MAML3: variants seen among roughly 807,000 people sequenced by gnomAD.
MAML3 encodes the protein mastermind like transcriptional coactivator 3, also known as mastermind-like protein 3.
Under a neutral mutation model 101.9 loss-of-function variants are expected in MAML3, and 27 were observed. The observed-to-expected ratio is 0.27, with a 90% CI of 0.20 to 0.37. The LOEUF is 0.37. Among genes scored for constraint, MAML3 ranks in the 10% least tolerant of loss-of-function variants. The pLI is 1.00. For synonymous variants in MAML3, 501 were observed against 555.9 expected (o/e 0.90, Z 1.39); for missense variants, 1,316 against 1,444.9 (o/e 0.91, Z 1.45).
chr4:140,034,909 C>G (rs1726960016), intron 1 of MAML3, among the ~76,000 whole-genome samples: 1 of 152,198 alleles, frequency 6.6e-6, no homozygotes, highest in African/African-American at 2.4e-5. Flanking sequence ...TCTACAAACC[C>G]CACTGGGAAA....
intron 2 of MAML3, among the ~76,000 whole-genome samples, chr4:139,875,794 T>G: frequency 6.6e-6 from 1 of 151,958 alleles, no homozygotes; most frequent in Admixed American, 6.6e-5. Context: ...CAAAGCCGGC[T>G]GGGTTGGCTT....
chr4:140,066,642 T>C (rs898215389), intron 1 of MAML3, among the ~76,000 whole-genome samples: 1 of 151,958 alleles, frequency 6.6e-6, no homozygotes, highest in Non-Finnish European at 1.5e-5. Context: ...GGAAAAAAAA[T>C]CGTATTGCTG....
At chr4:139,773,045 AT>A (rs1730027113) in intron 2 of MAML3, among the ~76,000 whole-genome samples, 1 of 152,168 alleles carries the variant, frequency 6.6e-6, no homozygotes, top group Non-Finnish European at 1.5e-5. Context: ...CAAGTATTAC[AT>A]TTTAAAAAGT....
At chr4:140,080,671 T>A (rs758775923) in intron 1 of MAML3, among the ~76,000 whole-genome samples, 1 of 151,888 alleles carries the variant, frequency 6.6e-6, no homozygotes, top group South Asian at 2.1e-4. Flanking sequence ...AGAAAATATA[T>A]GAAAACTTCC....
intron 1 of MAML3, among the ~76,000 whole-genome samples, chr4:139,951,353 A>AGAG (rs1733828719): frequency 6.6e-6 from 1 of 152,238 alleles, no homozygotes; most frequent in Non-Finnish European, 1.5e-5. Flanking sequence ...AATGCACACC[A>AGAG]GCAAGGAAGA....
intron 2 of MAML3, among the ~76,000 whole-genome samples, chr4:139,764,255 A>G (rs547686106): frequency 4.2e-4 from 64 of 152,162 alleles, no homozygotes; most frequent in Non-Finnish European, 8.5e-4. Context: ...AGACTCATTT[A>G]TTTTTAAACA....
At chr4:140,051,134 AATATCT>A (rs1235056106) in intron 1 of MAML3, among the ~76,000 whole-genome samples, 1 of 152,218 alleles carries the variant, frequency 6.6e-6, no homozygotes, top group Non-Finnish European at 1.5e-5. Context: ...TGTTGAGGAC[AATATCT>A]ATAAGTCTAG....
intron 4 of MAML3, among the ~76,000 whole-genome samples, chr4:139,721,832 T>C (rs1728246649): frequency 6.6e-6 from 1 of 152,218 alleles, no homozygotes; most frequent in African/African-American, 2.4e-5. Flanking sequence ...AGTAAAACAC[T>C]GGAAGGTAGT....
chr4:139,872,816 G>A (rs987493557), intron 2 of MAML3, among the ~76,000 whole-genome samples: 1 of 152,176 alleles, frequency 6.6e-6, no homozygotes, highest in Admixed American at 6.5e-5. Flanking sequence ...AGTGGTTCAT[G>A]CCTGTAATCC....
At chr4:139,773,878 A>G (rs911936450) in intron 2 of MAML3, among the ~76,000 whole-genome samples, 25 of 152,234 alleles carry the variant, frequency 1.6e-4, no homozygotes, top group African/African-American at 6.0e-4. Context: ...TGACTGAGAA[A>G]TGTTCAATTT....
In MAML3 at chr4:139,720,284, G is replaced by T; in HGVS notation, c.2456C>A (p.Ala819Asp). 1 of 1,564,338 alleles carries T rather than the reference G, an allele frequency of 6.4e-7. No homozygotes were observed. The highest frequency in any genetic ancestry group is 8.7e-7 in the Non-Finnish European group (1 of 1,152,760). ...QDIAAVRSQAALQSMRTSRLM... is the reference protein window; with the variant it reads ...QDIAAVRSQADLQSMRTSRLM... The stretch of plus-strand genomic sequence containing the variant: ...CCGTGACGTTCGCATGCTCTGGAGG[G>T]CTGCTTGGCTTCTTACGGCTGCTAT... Residue 819 changes from alanine (A) to aspartate (D), a missense_variant, in exon 5 of 5, where the codon GCC becomes GAC. By Grantham distance (126) the Ala-to-Asp change is moderately radical (BLOSUM62 -2). Transcript: ENST00000509479.
At chr4:139,960,042 T>A (rs1334705845) in intron 1 of MAML3, among the ~76,000 whole-genome samples, 4 of 152,170 alleles carry the variant, frequency 2.6e-5, no homozygotes, top group African/African-American at 4.8e-5. Context: ...TCCAAGTACA[T>A]GCTTGTCCTA....
chr4:140,071,819 C>T (rs1407649752), intron 1 of MAML3, among the ~76,000 whole-genome samples: 2 of 149,028 alleles, frequency 1.3e-5, no homozygotes, highest in Non-Finnish European at 3.0e-5. Flanking sequence ...TTCTCAGTGA[C>T]CAGCTGAACA....
At chr4:139,941,655 T>C (rs950063649) in intron 1 of MAML3, among the ~76,000 whole-genome samples, 3 of 152,068 alleles carry the variant, frequency 2.0e-5, no homozygotes, top group East Asian at 1.9e-4. Context: ...AAAATGTACA[T>C]GTATGTGTGC....
chr4:139,719,916 T>G lies in MAML3; in HGVS notation c.2824A>C (p.Arg942=). The part of the protein sequence containing the change: ...MKGPVGQALP[R]PQAPPRLQSL... ...TGCAGCCTTGGAGGGGCTTGGGGCC[T>G]AGGCAAGGCCTGGCCTACTGGCCCT... The change falls in exon 5 of 5, where the codon AGG becomes CGG. Residue 942 remains arginine (R), a synonymous_variant. Coordinates refer to ENST00000509479, the MANE Select transcript of MAML3 (RefSeq NM_018717.5). 1 of 1,614,072 alleles carries G rather than the reference T, an allele frequency of 6.2e-7. No individual in the cohort carries two copies. Among genetic ancestry groups the G allele is most frequent in the Non-Finnish European group, 8.5e-7 (1 of 1,179,912 alleles).
intron 2 of MAML3, among the ~76,000 whole-genome samples, chr4:139,861,898 G>A (rs531629065): frequency 1.3e-5 from 2 of 152,118 alleles, no homozygotes; most frequent in Non-Finnish European, 2.9e-5. Context: ...CACTGGAATC[G>A]CCTGGGGAGC....
At chr4:140,100,341 A>AC (rs1218340158) in intron 1 of MAML3, among the ~76,000 whole-genome samples, 1 of 151,952 alleles carries the variant, frequency 6.6e-6, no homozygotes, top group East Asian at 1.9e-4. Context: ...ATGAGGGTCC[A>AC]CCCCCCTAGA....
chr4:139,940,574 A>G (rs1733581984), intron 1 of MAML3, among the ~76,000 whole-genome samples: 1 of 152,224 alleles, frequency 6.6e-6, no homozygotes. Flanking sequence ...TACCTTTTAG[A>G]CCAGGCCAAA....
At chr4:139,998,774 A>G (rs1734867104) in intron 1 of MAML3, among the ~76,000 whole-genome samples, 1 of 152,112 alleles carries the variant, frequency 6.6e-6, no homozygotes, top group Non-Finnish European at 1.5e-5. Context: ...GCCTGGATTA[A>G]TTCTGTGAAT....
Sources: gnomAD v4.1 joint callset for allele counts (sites outside exome capture counted in the v4.1 genomes callset) on GRCh38, gnomAD v4.1.1 for gene constraint, MANE v1.5 for transcripts, NCBI Gene and HGNC (gene_info 2026-07-23, HGNC 2026-07-21) for gene names.